Variants in FGD5 observed in about 807,000 individuals in gnomAD.
FGD5 encodes the protein FYVE, RhoGEF and PH domain-containing protein 5.
FGD5 carries 28 observed loss-of-function variants against 133.4 expected under a neutral mutation model. That is an observed-to-expected ratio of 0.21 (90% CI 0.16 to 0.29). FGD5 has a LOEUF of 0.29. Among genes scored for constraint, FGD5 ranks in the 10% least tolerant of loss-of-function variants. The pLI, the probability that FGD5 is intolerant of heterozygous loss-of-function variation, is 1.00. For synonymous variants in FGD5, 810 were observed against 776.5 expected, an observed-to-expected ratio of 1.04 and a Z score of -0.72; for missense variants, 1,858 against 1,895.2, an observed-to-expected ratio of 0.98 and a Z score of 0.36.
intron 1 of FGD5, among the ~76,000 whole-genome samples, chr3:14,847,660 C>T (rs2037075502): frequency 6.6e-6 from 1 of 152,220 alleles, no homozygotes; most frequent in Non-Finnish European, 1.5e-5. Context: ...AATTGAGGCA[C>T]AGAAAACTTG....
chr3:14,923,603 G>A (rs937159253), intron 16 of FGD5, among the ~76,000 whole-genome samples: 1 of 152,168 alleles, frequency 6.6e-6, no homozygotes, highest in African/African-American at 2.4e-5. Flanking sequence ...AAGCTGAGCC[G>A]GCCCCTGAGA....
At chr3:14,844,854 T>C (rs1170646915) in intron 1 of FGD5, among the ~76,000 whole-genome samples, 2 of 152,160 alleles carry the variant, frequency 1.3e-5, no homozygotes, top group African/African-American at 2.4e-5. Flanking sequence ...CTCAAATCTT[T>C]TTTGTTCCTG....
rs114686126 is a variant in FGD5 at position 14,888,200 on chromosome 3, G to A, written c.2748+7428G>A. Among the ~76,000 whole-genome samples the A allele has an allele frequency of 3.2e-3, 482 of 149,486 alleles. 1 individual carries two copies. The highest frequency in any genetic ancestry group is 0.023 in the East Asian group (119 of 5,126). On this transcript the variant is annotated intron_variant, in intron 4 of 19. Transcript: ENST00000285046. ...AAAAAAATACAGATGCTCAGATTCC[G>A]CCCTCAGAGATATTTACTTAATTGA...
chr3:14,880,287 G>A (rs2037800275), intron 2 of FGD5, among the ~76,000 whole-genome samples: 1 of 152,154 alleles, frequency 6.6e-6, no homozygotes, highest in Non-Finnish European at 1.5e-5. Flanking sequence ...CTGAGAATTC[G>A]AGTCTGCAGG....
In FGD5 at chr3:14,820,858, C is replaced by G. The variant is rs773773423; in HGVS notation, c.1787C>G (p.Ser596Cys). ...GTAATTGGCTCCTCTGGGAGTTTCT[C>G]CCAGAGAAACCACCTTCCGTCCAGC... ...SCVIGSSGSF[S>C]QRNHLPSSGT... The change falls in exon 1 of 20, where the codon TCC becomes TGC. Residue 596 changes from serine (S) to cysteine (C), a missense_variant. Around this residue, in one of 3 missense-constraint regions of FGD5, gnomAD observed 1,824 missense variants for 1,848.9 expected, o/e 0.99. Transcript: ENST00000285046. The G allele has an allele frequency of 3.1e-6, 5 of 1,613,676 alleles. No homozygotes were observed. In the South Asian group the frequency reaches 5.5e-5, roughly 18 times the overall value.
chr3:14,839,253 G>A (rs1559475055), intron 1 of FGD5, among the ~76,000 whole-genome samples: 2 of 152,168 alleles, frequency 1.3e-5, no homozygotes, highest in African/African-American at 4.8e-5. Flanking sequence ...CAGCCTCCTC[G>A]GCTGTAACGT....
At position 14,820,914 on chromosome 3, in the gene FGD5, A is replaced by G. The variant is rs769972101; in HGVS notation, c.1843A>G (p.Ile615Val). ...GTSTPSSMVD[I>V]PPPFDLACIT... ...CTCCACGCCTTCTTCCATGGTCGACATCCCACCTCCTTTCGACCTGGCCTG... is the reference window on the plus strand; with the variant it reads ...CTCCACGCCTTCTTCCATGGTCGACGTCCCACCTCCTTTCGACCTGGCCTG... Residue 615 changes from isoleucine (I) to valine (V), a missense_variant, in exon 1 of 20, where the codon ATC (isoleucine) becomes GTC (valine). Coordinates refer to ENST00000285046, the MANE Select transcript of FGD5 (RefSeq NM_152536.4). 3.1e-6 allele frequency: 5 copies of G among 1,613,646 alleles called. No homozygotes were observed. Among genetic ancestry groups the G allele is most frequent in the African/African-American group, 1.3e-5 (1 of 74,858 alleles).
intron 7 of FGD5, among the ~76,000 whole-genome samples, chr3:14,899,230 C>T (rs1327648752): frequency 3.9e-5 from 6 of 152,192 alleles, no homozygotes; most frequent in African/African-American, 1.2e-4. Context: ...TCCTTTCCTC[C>T]GCGGGTTTCT....
intron 1 of FGD5, among the ~76,000 whole-genome samples, chr3:14,823,251 G>T (rs567679138): frequency 3.3e-5 from 5 of 152,134 alleles, no homozygotes; most frequent in African/African-American, 9.7e-5. Context: ...TAAACTCTCC[G>T]TGCTGGTCAG....
upstream of FGD5, among the ~76,000 whole-genome samples, chr3:14,814,486 C>T (rs760606277): frequency 2.0e-5 from 3 of 152,116 alleles, no homozygotes; most frequent in South Asian, 2.1e-4. Context: ...TTTTGTGATG[C>T]GGGTGAGTAG....
At position 14,897,527 on chromosome 3, in the gene FGD5, A is replaced by G. The variant is rs1337325244; in HGVS notation, c.2767A>G (p.Met923Val). The stretch of plus-strand genomic sequence containing the variant: ...GTTTCAGGATTTCCATGGAGCTGTC[A>G]TGAGGGCCTTGGATGACATGGACCA... Reference protein sequence around the residue: ...HLNLDFHGAVMRALDDMDHEG... With the variant: ...HLNLDFHGAVVRALDDMDHEG... The change falls in exon 5 of 20, where the codon ATG becomes GTG. Residue 923 changes from methionine (M) to valine (V), a missense_variant. Met to Val is a conservative substitution (Grantham distance 21). Around this residue, in one of 3 missense-constraint regions of FGD5, gnomAD observed 1,824 missense variants for 1,848.9 expected, o/e 0.99. Coordinates refer to ENST00000285046, the MANE Select transcript of FGD5 (RefSeq NM_152536.4). The G allele has an allele frequency of 6.2e-7, 1 of 1,606,386 alleles. No individual in the cohort carries two copies. The highest frequency in any genetic ancestry group is 8.5e-7 in the Non-Finnish European group (1 of 1,176,574).
intron 1 of FGD5, among the ~76,000 whole-genome samples, chr3:14,813,506 A>G (rs1306438509): frequency 6.6e-6 from 1 of 152,234 alleles, no homozygotes; most frequent in East Asian, 1.9e-4. Flanking sequence ...CTCTTGTAAC[A>G]TATGGTTATG....
Position 14,900,429 on chromosome 3 carries a change from T to G in FGD5, c.3181T>G (p.Ser1061Ala), listed in dbSNP as rs769496725. Reference sequence around the variant, plus strand: ...CTATTTAAACAACCTTTGTCCGGACTCCGCCGAGTACGACAACACACAGGG... The same window carrying G: ...CTATTTAAACAACCTTTGTCCGGACGCCGCCGAGTACGACAACACACAGGG... ...TDYLNNLCPD[S>A]AEYDNTQGAL... Residue 1061 changes from serine to alanine, a missense_variant, in exon 8 of 20, where the codon TCC (serine) becomes GCC (alanine). Around this residue, in one of 3 missense-constraint regions of FGD5, gnomAD observed 1,824 missense variants for 1,848.9 expected, o/e 0.99. Transcript: ENST00000285046. 1.1e-5 allele frequency: 18 copies of G among 1,613,420 alleles called. No homozygotes were observed. The highest frequency in any genetic ancestry group is 1.5e-5 in the Non-Finnish European group (18 of 1,179,670).
At chr3:14,844,249 T>C (rs867237791) in intron 1 of FGD5, among the ~76,000 whole-genome samples, 1 of 56,304 alleles carries the variant, frequency 1.8e-5, no homozygotes, top group Non-Finnish European at 3.4e-5. Flanking sequence ...TATATATATA[T>C]ATATATATAT....
At position 14,844,217 on chromosome 3, in the gene FGD5, AATATATATAT is replaced by A. The variant is rs869290486; in HGVS notation, c.2526-19865_2526-19856del. On this transcript the variant is annotated intron_variant, in intron 1 of 19. Transcript: ENST00000285046. ...CTTAATAGGCATTAAAAAAAAAAAAAATATATATATATATATATATATATATATATATATA... is the reference window on the plus strand; with the variant it reads ...CTTAATAGGCATTAAAAAAAAAAAAAATATATATATATATATATATATATA... Among the ~76,000 whole-genome samples, 124 of 20,282 alleles carry A rather than the reference AATATATATAT, an allele frequency of 6.1e-3. 2 individuals carry two copies. The highest frequency in any genetic ancestry group is 0.012 in the African/African-American group (59 of 4,804). 13.3% of individuals were successfully genotyped at this position (20,282 alleles called of 152,430 possible).
At chr3:14,863,452 C>T (rs1010066215) in intron 1 of FGD5, among the ~76,000 whole-genome samples, 2 of 152,236 alleles carry the variant, frequency 1.3e-5, no homozygotes, top group South Asian at 2.1e-4. Context: ...CTAGCCCATG[C>T]CTGCTTAAAG....
chr3:14,910,369 C>T (rs1456368923), intron 10 of FGD5, among the ~76,000 whole-genome samples: 1 of 152,108 alleles, frequency 6.6e-6, no homozygotes, highest in Non-Finnish European at 1.5e-5. Flanking sequence ...ATAATTCCAC[C>T]TAACATAATG....
chr3:14,898,878 C>T (rs2125133392), intron 7 of FGD5, 52 bp downstream of exon 7: 1 of 1,500,570 alleles, frequency 6.7e-7, no homozygotes, highest in East Asian at 2.5e-5. Context: ...CAGGGAAGGC[C>T]CCTGAGGAGG....
rs565148759 is a variant in FGD5 at position 14,893,974 on chromosome 3, T to G, written c.2749-3535T>G. 9.2e-5 allele frequency among the ~76,000 whole-genome samples: 14 copies of G among 152,070 alleles called. No homozygotes were observed. The South Asian group carries it at 2.7e-3, about 29-fold the overall frequency. On this transcript the variant is annotated intron_variant, in intron 4 of 19. Transcript: ENST00000285046. ...GGTTTCACCATGTTGGTCTGGTTGGTCTCAAACTCCTGACCTCAGGTGATC... is the reference window on the plus strand; with the variant it reads ...GGTTTCACCATGTTGGTCTGGTTGGGCTCAAACTCCTGACCTCAGGTGATC...
Sources: gnomAD v4.1 joint callset for allele counts (sites outside exome capture counted in the v4.1 genomes callset) on GRCh38, gnomAD v4.1.1 for gene constraint, gnomAD v4.1.1 regional missense constraint, MANE v1.5 for transcripts, NCBI Gene and HGNC (gene_info 2026-07-23, HGNC 2026-07-21) for gene names.